SPAM1: variants seen among roughly 807,000 people sequenced by gnomAD.
SPAM1 encodes hyaluronidase PH-20.
In SPAM1, 22 loss-of-function variants were observed where a neutral mutation model predicts 29.6. The ratio of observed to expected loss-of-function variants is 0.74; its 90% CI spans 0.53 to 1.06. The LOEUF is 1.06. Among genes scored for constraint, SPAM1 ranks in the 50% least tolerant of loss-of-function variants. SPAM1 has a pLI of 0.00. For missense variants in SPAM1, 534 were observed against 604.0 expected (o/e 0.88, Z 1.21); for synonymous variants, 194 against 204.6 (o/e 0.95, Z 0.44).
chr7:123,931,032 T>C (rs1456816558), intron 1 of SPAM1, among the ~76,000 whole-genome samples: 4 of 151,994 alleles, frequency 2.6e-5, no homozygotes, highest in African/African-American at 9.7e-5. Flanking sequence ...CTCAACTGCG[T>C]CTGCCATACT....
At chr7:123,931,768 C>A (rs1201767139) in intron 1 of SPAM1, among the ~76,000 whole-genome samples, 1 of 152,100 alleles carries the variant, frequency 6.6e-6, no homozygotes, top group Admixed American at 6.6e-5. Context: ...TTGATGCATC[C>A]CTGACAACCT....
chr7:123,940,254 C>A (rs1028090300), intron 1 of SPAM1, among the ~76,000 whole-genome samples: 2 of 151,978 alleles, frequency 1.3e-5, no homozygotes, highest in Admixed American at 1.3e-4. Flanking sequence ...ACTCACTTAG[C>A]ATGCATCAAT....
At chr7:123,934,707 A>G (rs1228615222) in intron 1 of SPAM1, among the ~76,000 whole-genome samples, 1 of 152,206 alleles carries the variant, frequency 6.6e-6, no homozygotes, top group South Asian at 2.1e-4. Context: ...ATGAGCCTGG[A>G]GGACATTAAG....
chr7:123,959,459 T>C (rs750998558), intron 4 of SPAM1, 25 bp from the exon 5 acceptor site: 11 of 1,502,468 alleles, frequency 7.3e-6, no homozygotes, highest in Non-Finnish European at 9.0e-6. Flanking sequence ...TTTGATATTC[T>C]GACTGTCTTA....
intron 1 of SPAM1, among the ~76,000 whole-genome samples, chr7:123,947,392 T>A (rs988424844): frequency 3.9e-5 from 6 of 151,958 alleles, no homozygotes; most frequent in Admixed American, 1.3e-4. Flanking sequence ...CTATAAAAAA[T>A]TTTAAAAATT....
chr7:123,955,261 T>C (rs1182692645), intron 4 of SPAM1, among the ~76,000 whole-genome samples, 175 bp downstream of exon 4: 2 of 151,926 alleles, frequency 1.3e-5, no homozygotes, highest in Non-Finnish European at 2.9e-5. Flanking sequence ...AGGCAGAAAA[T>C]AGTATACCCA....
chr7:123,938,372 T>C (rs1216127730), intron 1 of SPAM1, among the ~76,000 whole-genome samples: 1 of 152,158 alleles, frequency 6.6e-6, no homozygotes, highest in Admixed American at 6.5e-5. Context: ...AAGTCACCTA[T>C]CCTAAGGAAA....
chr7:123,926,893 A>G (rs1372986425), intron 1 of SPAM1, among the ~76,000 whole-genome samples: 3 of 152,126 alleles, frequency 2.0e-5, no homozygotes, highest in Non-Finnish European at 4.4e-5. Flanking sequence ...TAGTTTTTTT[A>G]TAGGACTTAA....
At chr7:123,948,223 C>T (rs1270061064) in intron 1 of SPAM1, among the ~76,000 whole-genome samples, 2 of 152,188 alleles carry the variant, frequency 1.3e-5, no homozygotes, top group Admixed American at 6.5e-5. Context: ...AGGGATATTA[C>T]GCTGGTCTCT....
intron 1 of SPAM1, among the ~76,000 whole-genome samples, chr7:123,937,182 A>G (rs1808265690): frequency 6.6e-6 from 1 of 152,202 alleles, no homozygotes; most frequent in Non-Finnish European, 1.5e-5. Context: ...AATCCTCTCC[A>G]CACCTATTAC....
At chr7:123,948,391 C>T (rs1370380171) in intron 1 of SPAM1, among the ~76,000 whole-genome samples, 1 of 152,100 alleles carries the variant, frequency 6.6e-6, no homozygotes, top group Non-Finnish European at 1.5e-5. Flanking sequence ...TTGGGGCCTA[C>T]CGCTCATGTG....
Position 123,953,829 on chromosome 7 carries a change from G to C in SPAM1, c.259G>C (p.Gly87Arg), listed in dbSNP as rs1792176064. Residue 87 changes from glycine to arginine, a missense_variant, in exon 3 of 5, where the codon GGT becomes CGT. Gly to Arg is a moderately radical substitution (Grantham distance 125). Transcript: ENST00000682466. ...CCCCCGAATAAACGCCACCGGGCAA[G>C]GTGTTACAATATTTTATGTTGATAG... ...GSPRINATGQ[G>R]VTIFYVDRLG... 6.2e-7 allele frequency: 1 copy of C among 1,613,482 alleles called. No individual in the cohort carries two copies.
downstream of SPAM1, among the ~76,000 whole-genome samples, chr7:123,961,795 G>T (rs79684733): frequency 3.9e-5 from 6 of 151,904 alleles, no homozygotes; most frequent in African/African-American, 1.2e-4. Flanking sequence ...TCTTAGTTCC[G>T]CATGGCTGGG....
At chr7:123,928,669 A>T (rs1807972013) in intron 1 of SPAM1, among the ~76,000 whole-genome samples, 1 of 152,196 alleles carries the variant, frequency 6.6e-6, no homozygotes, top group Admixed American at 6.5e-5. Flanking sequence ...CCAGTTCTTG[A>T]TCTTCTATTT....
intron 1 of SPAM1, among the ~76,000 whole-genome samples, chr7:123,926,276 C>T (rs1048173718): frequency 3.3e-5 from 5 of 152,138 alleles, no homozygotes; most frequent in Non-Finnish European, 5.9e-5. Context: ...CTTTCCCCGC[C>T]GGCCTGCTTT....
At chr7:123,956,244 C>A (rs1002341273) in intron 4 of SPAM1, among the ~76,000 whole-genome samples, 1 of 151,934 alleles carries the variant, frequency 6.6e-6, no homozygotes, top group African/African-American at 2.4e-5. Context: ...ATTATTTTCT[C>A]CTTAATGGCA....
chr7:123,933,747 C>T (rs1178386951), intron 1 of SPAM1, among the ~76,000 whole-genome samples: 2 of 152,086 alleles, frequency 1.3e-5, no homozygotes, highest in East Asian at 3.9e-4. Context: ...ATACATACAT[C>T]ATTTGATTAA....
intron 1 of SPAM1, among the ~76,000 whole-genome samples, chr7:123,929,075 C>T (rs1283880110): frequency 4.6e-5 from 7 of 152,068 alleles, no homozygotes; most frequent in African/African-American, 7.2e-5. Flanking sequence ...GATTTGCTTC[C>T]GTATTCTAGA....
intron 3 of SPAM1, 56 bp from the exon 4 acceptor site, chr7:123,954,941 T>C (rs1792214971): frequency 8.7e-7 from 1 of 1,146,468 alleles, no homozygotes; most frequent in Non-Finnish European, 1.3e-6. Flanking sequence ...TGCTGTCCTA[T>C]GTATAGCACT....
Sources: allele counts gnomAD v4.1 joint callset (sites outside exome capture counted in the v4.1 genomes callset), GRCh38; gene constraint gnomAD v4.1.1; transcripts MANE v1.5; gene names NCBI Gene and HGNC (gene_info 2026-07-23, HGNC 2026-07-21).